BRME1: variants seen among roughly 807,000 people sequenced by gnomAD.
The protein encoded by BRME1 is break repair meiotic recombinase recruitment factor 1.
In BRME1, 31 loss-of-function variants were observed where a neutral mutation model predicts 52.6. That is an observed-to-expected ratio of 0.59 (90% CI 0.44 to 0.80). The LOEUF is 0.80. Ranked by LOEUF, BRME1 falls within the 30% of genes least tolerant of loss-of-function variation. The pLI, the probability that BRME1 is intolerant of heterozygous loss-of-function variation, is 0.00. For synonymous variants in BRME1, 359 were observed against 353.6 expected (o/e 1.02, Z -0.17); for missense variants, 804 against 860.3 (o/e 0.93, Z 0.82).
At chr19:13,891,467 A>T (rs980781987) in intron 5 of BRME1, among the ~76,000 whole-genome samples, 5 of 144,228 alleles carry the variant, frequency 3.5e-5, no homozygotes, top group African/African-American at 1.0e-4. Flanking sequence ...TATTTTTATT[A>T]TTTATTTTTC....
At chr19:13,903,658 G>C (rs914109061) in intron 2 of BRME1, among the ~76,000 whole-genome samples, 1 of 143,376 alleles carries the variant, frequency 7.0e-6, no homozygotes, top group Non-Finnish European at 1.5e-5. Context: ...GGACGACAGA[G>C]TCAGACTTGG....
rs1347679689 is a variant in BRME1, at chr19:13,883,431, C to G, written c.1764-31G>C. On this transcript the variant is annotated intron_variant, in intron 7 of 8. Coordinates refer to ENST00000586783, the MANE Select transcript of BRME1 (RefSeq NM_001345843.2). This position sits in a 1 kb window ranked among gnomAD's most constrained non-coding sequence, Gnocchi z 4.2. ...CAGCAGGGAAGGAAATTGAGAGTGGCCCGACCTCACTGGACTACCAGAGCT... is the reference window on the plus strand; with the variant it reads ...CAGCAGGGAAGGAAATTGAGAGTGGGCCGACCTCACTGGACTACCAGAGCT... 6.8e-7 allele frequency: 1 copy of G among 1,480,632 alleles called. No homozygotes were observed. Among genetic ancestry groups the G allele is most frequent in the Admixed American group, 2.0e-5 (1 of 50,710 alleles). The allele number at this position is 1,480,632 out of a possible 1,614,324, so 91.7% of individuals were successfully genotyped here.
rs745579606 is a variant in BRME1 at position 13,889,942 on chromosome 19, G to C, written c.914C>G (p.Ala305Gly). ...CTGCTGGGGGTCAGGGGAGCCCTGG[G>C]CCACAGACCCGGGTTCCAGGCACCA... ...ASWCLEPGSV[A>G]QGSPDPQQTP... is the part of the protein sequence containing the mutation. The change falls in exon 6 of 9, where the codon GCC becomes GGC. Residue 305 changes from alanine to glycine, a missense_variant. By Grantham distance (60) the Ala-to-Gly change is moderately conservative. Around this residue, in one of 3 missense-constraint regions of BRME1, gnomAD observed 552 missense variants for 561.1 expected, o/e 0.98. Coordinates refer to ENST00000586783, the MANE Select transcript of BRME1 (RefSeq NM_001345843.2). The C allele has an allele frequency of 2.0e-5, 33 of 1,612,430 alleles. No homozygotes were observed. The highest frequency in any genetic ancestry group is 2.6e-5 in the Non-Finnish European group (31 of 1,179,950).
At position 13,883,892 on chromosome 19, in the gene BRME1, C is replaced by T. The variant is rs1423282496; in HGVS notation, c.1764-492G>A. On this transcript the variant is annotated intron_variant, in intron 7 of 8. Transcript: ENST00000586783. The surrounding 1 kb of genome is among the most constrained non-coding windows in gnomAD (Gnocchi z 4.2). ...CCTCCTGGTGGTGGCTTCCCTGATT[C>T]CTCCTTACATTTTAACCCCTTCTCC... Among the ~76,000 whole-genome samples the T allele has an allele frequency of 1.3e-5, 2 of 152,134 alleles. No individual in the cohort carries two copies. Among genetic ancestry groups the T allele is most frequent in the Non-Finnish European group, 2.9e-5 (2 of 68,026 alleles).
In BRME1 at chr19:13,883,488, C is replaced by A. The variant is rs568280738; in HGVS notation, c.1764-88G>T. ...TGGGAGGGGCTTCCGCAGGGCCTCG[C>A]GCCATCTTTTCCAGGTGTCCAGCCT... On this transcript the variant is annotated intron_variant, in intron 7 of 8. Transcript: ENST00000586783. This position sits in a 1 kb window ranked among gnomAD's most constrained non-coding sequence, Gnocchi z 4.2. 776 of 997,010 alleles carry A rather than the reference C, an allele frequency of 7.8e-4. No homozygotes were observed. Among genetic ancestry groups the A allele is most frequent in the Non-Finnish European group, 1.0e-3 (675 of 665,488 alleles). 61.8% of individuals were successfully genotyped at this position (997,010 alleles called of 1,614,324 possible).
intron 2 of BRME1, among the ~76,000 whole-genome samples, chr19:13,898,200 C>T (rs1447924581): frequency 6.6e-6 from 1 of 152,204 alleles, no homozygotes; most frequent in African/African-American, 2.4e-5. Context: ...TTAAGGCACA[C>T]AGAGGCCCAG....
chr19:13,890,165 C>T lies in BRME1; in HGVS notation c.691G>A (p.Gly231Ser), dbSNP rs372991147. The T allele has an allele frequency of 3.3e-5, 53 of 1,614,050 alleles. No individual in the cohort carries two copies. Among genetic ancestry groups the T allele is most frequent in the Non-Finnish European group, 3.6e-5 (43 of 1,180,046 alleles). ...KPETDRVPGD[G>S]GQKEHLPSID... ...CTTGGTAGGTGTTCCTTTTGGCCAC[C>T]GTCACCTGGAACCCTGTCTGTCTCA... Residue 231 changes from glycine to serine, a missense_variant, in exon 6 of 9, where the codon GGT (glycine) becomes AGT (serine). By Grantham distance (56) the Gly-to-Ser change is moderately conservative (BLOSUM62 0). Coordinates refer to ENST00000586783, the MANE Select transcript of BRME1 (RefSeq NM_001345843.2).
At position 13,882,671 on chromosome 19, in the gene BRME1, TC is replaced by T; in HGVS notation, c.*130del. On this transcript the variant is annotated 3_prime_UTR_variant, in exon 9 of 9. Coordinates refer to ENST00000586783, the MANE Select transcript of BRME1 (RefSeq NM_001345843.2). ...GGACCTCACGGCCTCCTTTGTGTTG[TC>T]CATGGAAGACCAACTTCCGGGCAAC... 1.6e-6 allele frequency: 2 copies of T among 1,238,680 alleles called. No homozygotes were observed. The highest frequency in any genetic ancestry group is 2.3e-6 in the Non-Finnish European group (2 of 874,906). The allele number at this position is 1,238,680 out of a possible 1,614,324, so 76.7% of individuals were successfully genotyped here.
chr19:13,890,511 T>C (rs779118658), intron 5 of BRME1, 49 bp from the exon 6 acceptor site: 1 of 1,430,662 alleles, frequency 7.0e-7, no homozygotes, highest in African/African-American at 1.4e-5. Context: ...AACCAAGTTC[T>C]CCGAAGAGTT....
At position 13,882,644 on chromosome 19, in the gene BRME1, C is replaced by T. The variant is rs2242130; in HGVS notation, c.*158G>A. On this transcript the variant is annotated 3_prime_UTR_variant, in exon 9 of 9. Coordinates refer to ENST00000586783, the MANE Select transcript of BRME1 (RefSeq NM_001345843.2). ...GACCTTGACCCTGGCCAGGTGAGGCCAGGACCTCACGGCCTCCTTTGTGTT... is the reference window on the plus strand; with the variant it reads ...GACCTTGACCCTGGCCAGGTGAGGCTAGGACCTCACGGCCTCCTTTGTGTT... 231,730 of 933,704 alleles carry T rather than the reference C, an allele frequency of 0.25. 35,287 individuals are homozygous for T. The highest frequency in any genetic ancestry group is 0.66 in the African/African-American group (39,485 of 59,862). The allele number at this position is 933,704 out of a possible 1,614,324, so 57.8% of individuals were successfully genotyped here.
chr19:13,889,066 G>T, intron 6 of BRME1, 122 bp downstream of exon 6: 1 of 910,152 alleles, frequency 1.1e-6, no homozygotes, highest in Non-Finnish European at 1.6e-6. Flanking sequence ...GTCGTTGGCT[G>T]TGTAAATGGT....
At chr19:13,887,073 G>A (rs1969084929) in intron 6 of BRME1, among the ~76,000 whole-genome samples, 1 of 152,252 alleles carries the variant, frequency 6.6e-6, no homozygotes, top group African/African-American at 2.4e-5. Context: ...CTCCCATGAC[G>A]AGACCTTGGT....
chr19:13,893,354 A>G lies in BRME1; in HGVS notation c.207-131T>C, dbSNP rs989536814. The G allele has an allele frequency of 2.0e-5, 14 of 705,480 alleles. No individual in the cohort carries two copies. In the Admixed American group the frequency reaches 2.6e-4, roughly 13 times the overall value. 43.7% of individuals were successfully genotyped at this position (705,480 alleles called of 1,614,324 possible). A position where few individuals can be genotyped will look rare whatever the true frequency, so the allele number is the denominator to read the frequency against. On this transcript the variant is annotated intron_variant, in intron 3 of 8. Transcript: ENST00000586783. Reference sequence around the variant, plus strand: ...GGAGTTCGAGACCAACCTGGGGAACATGGTGAAACCGTATCTCTACTAAAA... The same window carrying G: ...GGAGTTCGAGACCAACCTGGGGAACGTGGTGAAACCGTATCTCTACTAAAA...
chr19:13,901,431 C>A (rs530989723), intron 2 of BRME1, among the ~76,000 whole-genome samples: 1 of 152,202 alleles, frequency 6.6e-6, no homozygotes, highest in East Asian at 1.9e-4. Context: ...CTGGGCCAGG[C>A]ACGGTGGCTC....
Position 13,882,694 on chromosome 19 carries a change from C to T in BRME1, c.*108G>A. 1 of 1,450,406 alleles carries T rather than the reference C, an allele frequency of 6.9e-7. No homozygotes were observed. The highest frequency in any genetic ancestry group is 1.2e-5 in the South Asian group (1 of 80,910). 89.8% of individuals were successfully genotyped at this position (1,450,406 alleles called of 1,614,324 possible). On this transcript the variant is annotated 3_prime_UTR_variant, in exon 9 of 9. Coordinates refer to ENST00000586783, the MANE Select transcript of BRME1 (RefSeq NM_001345843.2). ...TGTCCATGGAAGACCAACTTCCGGG[C>T]AACTGAAGGGAGGTTTGTAGGGTCC...
rs1018159269 is a variant in BRME1 at position 13,905,547 on chromosome 19, A to G, written c.-22+168T>C. Among the ~76,000 whole-genome samples the G allele has an allele frequency of 4.0e-5, 6 of 151,454 alleles. 1 individual carries two copies. The highest frequency in any genetic ancestry group is 1.5e-4 in the African/African-American group (6 of 41,158). The stretch of plus-strand genomic sequence containing the variant: ...AAATTAGTCAGGTGCGGTGGCACAC[A>G]CCCGTAATCCCAGCTACTCAGGAGG... On this transcript the variant is annotated intron_variant, in intron 1 of 8. Coordinates refer to ENST00000586783, the MANE Select transcript of BRME1 (RefSeq NM_001345843.2).
intron 3 of BRME1, 115 bp downstream of exon 3, chr19:13,895,257 G>T: frequency 9.0e-7 from 1 of 1,105,228 alleles, no homozygotes; most frequent in Non-Finnish European, 1.3e-6. Context: ...GAGGGAGTGG[G>T]TCACAGCACT....
At chr19:13,892,155 T>A (rs922798547) in intron 5 of BRME1, among the ~76,000 whole-genome samples, 1 of 151,920 alleles carries the variant, frequency 6.6e-6, no homozygotes, top group African/African-American at 2.4e-5. Flanking sequence ...AGTGTTGGGA[T>A]CATAGGCATG....
chr19:13,905,386 T>C (rs1271201712), intron 1 of BRME1, among the ~76,000 whole-genome samples: 1 of 151,662 alleles, frequency 6.6e-6, no homozygotes, highest in Non-Finnish European at 1.5e-5. Flanking sequence ...CGCACACCTG[T>C]AATCCCAGCT....
Sources: allele counts gnomAD v4.1 joint callset (sites outside exome capture counted in the v4.1 genomes callset), GRCh38; gene constraint gnomAD v4.1.1; regional missense constraint gnomAD v4.1.1; non-coding constraint Gnocchi (gnomAD v3.1); transcripts MANE v1.5; gene names NCBI Gene and HGNC (gene_info 2026-07-23, HGNC 2026-07-21).